RPL15: variants seen among roughly 807,000 people sequenced by gnomAD.
RPL15 encodes ribosomal protein L15, also known as large ribosomal subunit protein eL15.
For missense variants in RPL15, 161 were observed against 271.8 expected, an observed-to-expected ratio of 0.59 and a Z score of 2.87; for synonymous variants, 97 against 95.1, an observed-to-expected ratio of 1.02 and a Z score of -0.12.
At chr3:23,922,402 TTTTGG>T, downstream of RPL15, 1 of 152,352 alleles carries the variant, frequency 6.6e-6, no homozygotes, top group South Asian at 2.1e-4. The surrounding 1 kb of genome is among the most constrained non-coding windows in gnomAD (Gnocchi z 4.2). Flanking sequence ...ATTTGTTTTG[TTTTGG>T]TTTTTTTTGA....
At chr3:23,918,073 C>T (rs1704768065) in intron 2 of RPL15, 42 bp downstream of exon 2, 1 of 1,579,944 alleles carries the variant, frequency 6.3e-7, no homozygotes, top group Non-Finnish European at 8.6e-7. Flanking sequence ...AAATTATATT[C>T]GAGAAAAGTT....
At chr3:23,921,410 A>C (rs562308294), downstream of RPL15, among the ~76,000 whole-genome samples, 7 of 152,258 alleles carry the variant, frequency 4.6e-5, no homozygotes, top group East Asian at 1.4e-3. Flanking sequence ...TTGTTCTTCA[A>C]ATACACCAAA....
intron 2 of RPL15, 137 bp downstream of exon 2, chr3:23,918,168 C>A (rs1017106852): frequency 1.3e-5 from 15 of 1,129,912 alleles, no homozygotes; most frequent in African/African-American, 3.2e-5. Flanking sequence ...CAACACTGGT[C>A]AGTTACTGTA....
Position 23,920,134 on chromosome 3 carries a change from A to G in RPL15, c.*633A>G. Reference sequence around the variant, plus strand: ...CTTAAGATTGGTAAGCTAGCAATGAATGCTAGGGTGGGAAGCTGGTGAGCC... The same window carrying G: ...CTTAAGATTGGTAAGCTAGCAATGAGTGCTAGGGTGGGAAGCTGGTGAGCC... On this transcript the variant is annotated 3_prime_UTR_variant, in exon 4 of 4. Transcript: ENST00000307839. 1.0e-6 allele frequency: 1 copy of G among 985,298 alleles called. No individual in the cohort carries two copies. The highest frequency in any genetic ancestry group is 1.2e-6 in the Non-Finnish European group (1 of 829,386). 61.0% of individuals were successfully genotyped at this position (985,298 alleles called of 1,614,324 possible).
At position 23,920,020 on chromosome 3, in the gene RPL15, C is replaced by A. The variant is rs1191407380; in HGVS notation, c.*519C>A. The A allele has an allele frequency of 1.0e-6, 1 of 986,402 alleles. No homozygotes were observed. Among genetic ancestry groups the A allele is most frequent in the African/African-American group, 1.7e-5 (1 of 57,234 alleles). 61.1% of individuals were successfully genotyped at this position (986,402 alleles called of 1,614,324 possible). A position where few individuals can be genotyped will look rare whatever the true frequency, so the allele number is the denominator to read the frequency against. On this transcript the variant is annotated 3_prime_UTR_variant, in exon 4 of 4. Coordinates refer to ENST00000307839, the MANE Select transcript of RPL15 (RefSeq NM_002948.5). ...ACATAAAAGGTGAAAGCTCCTGGTT[C>A]AGTGCCATGGCTTCATGGCATTCAG...
chr3:23,922,003 GC>G (rs1402346469), downstream of RPL15: 1 of 175,160 alleles, frequency 5.7e-6, no homozygotes, highest in African/African-American at 2.4e-5. The surrounding 1 kb of genome is among the most constrained non-coding windows in gnomAD (Gnocchi z 4.2). Flanking sequence ...ACCACACCGG[GC>G]CCAAATTTAC....
chr3:23,921,371 T>G (rs1019541099), downstream of RPL15, among the ~76,000 whole-genome samples: 1 of 152,200 alleles, frequency 6.6e-6, no homozygotes, highest in African/African-American at 2.4e-5. Flanking sequence ...CATGTCCTAC[T>G]GCAGTCCACA....
chr3:23,921,701 A>C (rs1224723077), downstream of RPL15: 1 of 660,062 alleles, frequency 1.5e-6, no homozygotes, highest in East Asian at 2.7e-5. Context: ...CGGCCTCCCA[A>C]ATAGCCAGGA....
rs1268236476 is a variant in RPL15, at chr3:23,920,009, A to T, written c.*508A>T. Reference sequence around the variant, plus strand: ...ATTTTAAATTCACATAAAAGGTGAAAGCTCCTGGTTCAGTGCCATGGCTTC... The same window carrying T: ...ATTTTAAATTCACATAAAAGGTGAATGCTCCTGGTTCAGTGCCATGGCTTC... On this transcript the variant is annotated 3_prime_UTR_variant, in exon 4 of 4. Coordinates refer to ENST00000307839, the MANE Select transcript of RPL15 (RefSeq NM_002948.5). 2 of 986,730 alleles carry T rather than the reference A, an allele frequency of 2.0e-6. No homozygotes were observed. The highest frequency in any genetic ancestry group is 1.2e-4 in the Admixed American group (2 of 16,400). The allele number at this position is 986,730 out of a possible 1,614,324, so 61.1% of individuals were successfully genotyped here. A position where few individuals can be genotyped will look rare whatever the true frequency, so the allele number is the denominator to read the frequency against.
downstream of RPL15, chr3:23,921,064 C>T (rs967838325): frequency 1.3e-5 from 2 of 152,696 alleles, no homozygotes; most frequent in Admixed American, 1.3e-4. Context: ...GGCCTGTAAT[C>T]CTGGCACTTT....
At chr3:23,918,370 G>A in intron 2 of RPL15, 70 bp from the exon 3 acceptor site, 1 of 1,528,402 alleles carries the variant, frequency 6.5e-7, no homozygotes, top group Admixed American at 2.1e-5. Context: ...GAGTATTAGT[G>A]ACAAGCCATT....
chr3:23,921,510 C>T, downstream of RPL15: 1 of 673,160 alleles, frequency 1.5e-6, no homozygotes, highest in Non-Finnish European at 2.7e-6. Context: ...ACAAGCTGTT[C>T]CCATTTGCTT....
intron 1 of RPL15, 101 bp from the exon 2 acceptor site, chr3:23,917,749 C>T: frequency 6.6e-6 from 8 of 1,206,278 alleles, no homozygotes; most frequent in Non-Finnish European, 7.0e-6. Flanking sequence ...TTTTCATTCC[C>T]GGCGGTTTCC....
chr3:23,921,683 T>C (rs573611646), downstream of RPL15: 2 of 670,958 alleles, frequency 3.0e-6, no homozygotes, highest in South Asian at 3.2e-5. Flanking sequence ...TGAGCAATTC[T>C]TCTGCCTCGG....
chr3:23,917,804 T>C, intron 1 of RPL15, 46 bp from the exon 2 acceptor site: 8 of 1,530,556 alleles, frequency 5.2e-6, no homozygotes, highest in Non-Finnish European at 6.2e-6. Flanking sequence ...AGTCGTCTTA[T>C]TGTACTTAAA....
chr3:23,922,845 C>G (rs963528827), downstream of RPL15: 1 of 152,096 alleles, frequency 6.6e-6, no homozygotes, highest in Admixed American at 6.6e-5. The surrounding 1 kb of genome is among the most constrained non-coding windows in gnomAD (Gnocchi z 4.2). Context: ...CTCACTGTTG[C>G]CCAGGCTGGA....
intron 3 of RPL15, 178 bp downstream of exon 3, chr3:23,918,754 G>C: frequency 1.4e-6 from 1 of 740,224 alleles, no homozygotes; most frequent in South Asian, 1.9e-5. Context: ...TGTTACAAAT[G>C]CGTGTGTATA....
chr3:23,922,705 A>G (rs368845468), downstream of RPL15: 29 of 152,326 alleles, frequency 1.9e-4, no homozygotes, highest in African/African-American at 5.5e-4. This position sits in a 1 kb window ranked among gnomAD's most constrained non-coding sequence, Gnocchi z 4.2. Context: ...TTTTTGATAG[A>G]TAATACATTA....
chr3:23,918,367 A>G, intron 2 of RPL15, 73 bp from the exon 3 acceptor site: 1 of 1,509,166 alleles, frequency 6.6e-7, no homozygotes, highest in Non-Finnish European at 9.0e-7. Context: ...GTGGAGTATT[A>G]GTGACAAGCC....
Sources: allele counts gnomAD v4.1 joint callset (sites outside exome capture counted in the v4.1 genomes callset), GRCh38; gene constraint gnomAD v4.1.1; non-coding constraint Gnocchi (gnomAD v3.1); transcripts MANE v1.5; gene names NCBI Gene and HGNC (gene_info 2026-07-23, HGNC 2026-07-21).